VRK2: variants seen among roughly 807,000 people sequenced by gnomAD.
The protein encoded by VRK2 is serine/threonine-protein kinase VRK2.
In VRK2, 60 loss-of-function variants were observed where a neutral mutation model predicts 57.6. That is an observed-to-expected ratio of 1.04 (90% CI 0.85 to 1.29). The LOEUF is 1.29. Ranked by LOEUF, VRK2 falls within the 50% of genes most tolerant of loss-of-function variation. VRK2 has a pLI of 0.00. For missense variants in VRK2, 705 were observed against 588.1 expected (o/e 1.20, Z -2.06); for synonymous variants, 231 against 199.2 (o/e 1.16, Z -1.35).
intron 1 of VRK2, among the ~76,000 whole-genome samples, chr2:57,944,947 A>G (rs1671215895): frequency 2.0e-5 from 3 of 152,184 alleles, no homozygotes; most frequent in African/African-American, 7.2e-5. Flanking sequence ...ATTTAATTCT[A>G]GAAAGAATCT....
At chr2:58,013,867 A>G (rs1380370551) in intron 1 of VRK2, among the ~76,000 whole-genome samples, 1 of 150,862 alleles carries the variant, frequency 6.6e-6, no homozygotes, top group African/African-American at 2.4e-5. Flanking sequence ...TCAAAAAAAA[A>G]AAAAAAAAAA....
chr2:58,154,627 T>G (rs1683517351), intron 12 of VRK2: 1 of 641,568 alleles, frequency 1.6e-6, no homozygotes, highest in African/African-American at 1.8e-5. Flanking sequence ...TTCAATGTAT[T>G]TTTTAATTTT....
intron 1 of VRK2, among the ~76,000 whole-genome samples, chr2:58,004,008 T>G (rs2103630317): frequency 6.6e-6 from 1 of 152,278 alleles, no homozygotes; most frequent in South Asian, 2.1e-4. Flanking sequence ...ATTTTGCAAA[T>G]ATTAGGAAAT....
chr2:58,035,308 A>G (rs1360914839), intron 3 of VRK2, among the ~76,000 whole-genome samples: 5 of 152,014 alleles, frequency 3.3e-5, no homozygotes, highest in Non-Finnish European at 2.9e-5. Flanking sequence ...TGCTCTTATC[A>G]TTACATTACC....
At chr2:57,927,200 T>C (rs150522976) in intron 1 of VRK2, among the ~76,000 whole-genome samples, 350 of 152,120 alleles carry the variant, frequency 2.3e-3, no homozygotes, top group Non-Finnish European at 4.0e-3. Flanking sequence ...TTTTTGTTGT[T>C]TCTATTTATA....
At chr2:57,914,627 G>A (rs1479997524) in intron 1 of VRK2, among the ~76,000 whole-genome samples, 1 of 151,992 alleles carries the variant, frequency 6.6e-6, no homozygotes, top group Non-Finnish European at 1.5e-5. Flanking sequence ...AAACAACTCA[G>A]GTAAGACTTC....
At chr2:58,087,917 G>T (rs1183997721) in intron 5 of VRK2, among the ~76,000 whole-genome samples, 2 of 152,112 alleles carry the variant, frequency 1.3e-5, no homozygotes, top group African/African-American at 2.4e-5. Context: ...AACCTGGGAG[G>T]TGGAGGTTGC....
chr2:58,097,467 A>G (rs13001078), intron 7 of VRK2, among the ~76,000 whole-genome samples: 12,298 of 152,212 alleles, frequency 0.081, 536 homozygotes, highest in South Asian at 0.14. Flanking sequence ...AGTACTTGCT[A>G]CAACAACAGT....
At chr2:57,994,752 A>G (rs1321279513) in intron 1 of VRK2, among the ~76,000 whole-genome samples, 1 of 115,244 alleles carries the variant, frequency 8.7e-6, no homozygotes, top group East Asian at 3.0e-4. Flanking sequence ...ATTAAACCTG[A>G]AAAAAAAACA....
rs551447334 is a variant in VRK2, at chr2:58,021,813, G to C, written c.-438-3852G>C. On this transcript the variant is annotated intron_variant, in intron 1 of 15. Coordinates refer to the VRK2 transcript ENST00000417641. ...CTACATCTTCATTCCATTTTATATA[G>C]TATTAACTTTGTAAGCCTGGAAAAT... Among the ~76,000 whole-genome samples the C allele has an allele frequency of 2.6e-5, 4 of 152,158 alleles. 1 individual carries two copies. In the South Asian group the frequency reaches 8.3e-4, roughly 32 times the overall value.
intron 1 of VRK2, among the ~76,000 whole-genome samples, chr2:57,935,445 C>T (rs1335563755): frequency 6.6e-6 from 1 of 152,014 alleles, no homozygotes; most frequent in Non-Finnish European, 1.5e-5. Flanking sequence ...GTTTTTAGGC[C>T]TTTTTACAAT....
intron 1 of VRK2, among the ~76,000 whole-genome samples, chr2:58,005,000 A>G (rs1025587331): frequency 6.6e-6 from 1 of 152,156 alleles, no homozygotes; most frequent in African/African-American, 2.4e-5. Flanking sequence ...TTAGTGGCCC[A>G]TTTACTCTAA....
chr2:58,023,902 G>T (rs1558545596), intron 1 of VRK2, among the ~76,000 whole-genome samples: 1 of 151,342 alleles, frequency 6.6e-6, no homozygotes, highest in African/African-American at 2.4e-5. Context: ...TAAATATAGA[G>T]ATTTACTAAA....
chr2:58,136,623 A>C (rs967875666), intron 10 of VRK2, among the ~76,000 whole-genome samples: 1 of 151,306 alleles, frequency 6.6e-6, no homozygotes, highest in African/African-American at 2.4e-5. Flanking sequence ...TGACCTCGTG[A>C]TCCCCCCCAC....
At chr2:58,137,070 C>CATATATATCATATATGTGTATATATCAT (rs1491473674) in intron 10 of VRK2, among the ~76,000 whole-genome samples, 6 of 107,588 alleles carry the variant, frequency 5.6e-5, no homozygotes, top group African/African-American at 1.9e-4. Context: ...TATCATATAT[C>CATATATATCATATATGTGTATATATCAT]ATATATAACA....
intron 7 of VRK2, among the ~76,000 whole-genome samples, chr2:58,120,179 CTTTTCTTTTTTT>C (rs1455544668): frequency 3.2e-5 from 3 of 93,364 alleles, no homozygotes; most frequent in African/African-American, 1.4e-4. Flanking sequence ...ATTTTTTTTT[CTTTTCTTTTTTT>C]TTTTTTTTTT....
At chr2:58,107,657 T>C (rs768172255) in intron 7 of VRK2, among the ~76,000 whole-genome samples, 4 of 152,196 alleles carry the variant, frequency 2.6e-5, no homozygotes, top group Non-Finnish European at 4.4e-5. Flanking sequence ...ATATTGTTCT[T>C]CATAAGAGAC....
intron 2 of VRK2, among the ~76,000 whole-genome samples, chr2:58,057,956 A>G (rs1676775350): frequency 1.3e-5 from 2 of 152,126 alleles, no homozygotes; most frequent in Non-Finnish European, 2.9e-5. Flanking sequence ...TGTAGGAAAA[A>G]TCAACACGTT....
At chr2:58,063,261 A>G (rs1347257121) in intron 2 of VRK2, among the ~76,000 whole-genome samples, 1 of 145,174 alleles carries the variant, frequency 6.9e-6, no homozygotes. Context: ...TTTTTTTAAC[A>G]TATGAGTGAG....
Sources: gnomAD v4.1 joint callset for allele counts (sites outside exome capture counted in the v4.1 genomes callset) on GRCh38, gnomAD v4.1.1 for gene constraint, MANE v1.5 for transcripts, NCBI Gene and HGNC (gene_info 2026-07-23, HGNC 2026-07-21) for gene names.